SCO1: variants seen among roughly 807,000 people sequenced by gnomAD.
The protein encoded by SCO1 is synthesis of cytochrome C oxidase 1, also known as cytochrome c oxidase assembly factor SCO1.
Under a neutral mutation model 34.0 loss-of-function variants are expected in SCO1, and 23 were observed. The observed-to-expected ratio is 0.68, with a 90% CI of 0.49 to 0.96. The LOEUF is 0.96. Among genes scored for constraint, SCO1 ranks in the 40% least tolerant of loss-of-function variants. SCO1 has a pLI of 0.00. For missense variants in SCO1, 404 were observed against 381.6 expected, an observed-to-expected ratio of 1.06 and a Z score of -0.49; for synonymous variants, 161 against 145.5, an observed-to-expected ratio of 1.11 and a Z score of -0.77.
At chr17:10,691,990 T>TA in intron 3 of SCO1, 26 bp from the exon 4 acceptor site, 1 of 1,474,858 alleles carries the variant, frequency 6.8e-7, no homozygotes, top group South Asian at 1.1e-5. Flanking sequence ...AATTAGTCCG[T>TA]ATTCACACCC....
intron 1 of SCO1, among the ~76,000 whole-genome samples, chr17:10,696,192 C>G (rs754167803): frequency 6.6e-6 from 1 of 151,248 alleles, no homozygotes; most frequent in Non-Finnish European, 1.5e-5. Context: ...CGCCTGTAAT[C>G]CCAGCACTTT....
chr17:10,677,821 A>C lies in SCO1; in HGVS notation c.*3298T>G, dbSNP rs1329788343. The C allele has an allele frequency of 1.3e-5, 2 of 152,228 alleles. No individual in the cohort carries two copies. The allele number at this position is 152,228 out of a possible 1,614,324, so 9.4% of individuals were successfully genotyped here. A position where few individuals can be genotyped will look rare whatever the true frequency, so the allele number is the denominator to read the frequency against. On this transcript the variant is annotated 3_prime_UTR_variant, in exon 6 of 6. Coordinates refer to ENST00000255390, the MANE Select transcript of SCO1 (RefSeq NM_004589.4). The stretch of plus-strand genomic sequence containing the variant: ...AAGATTTGCAAGGGATATTTCACTG[A>C]AACACAGCCTTGAGGCCGGGCGTGG...
rs2074601192 is a variant in SCO1, at chr17:10,678,971, A to T, written c.*2148T>A. On this transcript the variant is annotated 3_prime_UTR_variant, in exon 6 of 6. Coordinates refer to ENST00000255390, the MANE Select transcript of SCO1 (RefSeq NM_004589.4). ...GTGTCTCCTATTCTTTTTGAGACGG[A>T]GTCTTGCTCTGTCGCCCAGGCTGGA... is the stretch of plus-strand genomic sequence containing the variant. The T allele has an allele frequency of 6.7e-6, 1 of 150,148 alleles. No individual in the cohort carries two copies. The highest frequency in any genetic ancestry group is 6.7e-5 in the Admixed American group (1 of 14,948). 9.3% of individuals were successfully genotyped at this position (150,148 alleles called of 1,614,324 possible). A position where few individuals can be genotyped will look rare whatever the true frequency, so the allele number is the denominator to read the frequency against.
At position 10,695,846 on chromosome 17, in the gene SCO1, A is replaced by G; in HGVS notation, c.274-15T>C. 2.5e-6 allele frequency: 4 copies of G among 1,593,442 alleles called. No individual in the cohort carries two copies. The highest frequency in any genetic ancestry group is 3.4e-6 in the Non-Finnish European group (4 of 1,162,426). On this transcript the variant is annotated splice_polypyrimidine_tract_variant and intron_variant, in intron 1 of 5. Transcript: ENST00000255390. Reference sequence around the variant, plus strand: ...CAGGAAACAGGCTACTGGGGCAGGGATTTCAAACATAAAAATTCTAGTAAG... The same window carrying G: ...CAGGAAACAGGCTACTGGGGCAGGGGTTTCAAACATAAAAATTCTAGTAAG...
chr17:10,686,465 C>A (rs1280893802), intron 5 of SCO1, among the ~76,000 whole-genome samples: 1 of 151,180 alleles, frequency 6.6e-6, no homozygotes, highest in East Asian at 1.9e-4. Flanking sequence ...ACCTGTAATC[C>A]CAGCTACTCG....
At chr17:10,686,453 G>A (rs1017327303) in intron 5 of SCO1, among the ~76,000 whole-genome samples, 2 of 146,924 alleles carry the variant, frequency 1.4e-5, no homozygotes, top group Admixed American at 6.8e-5. Context: ...GTGGTGGCGC[G>A]CACCTGTAAT....
chr17:10,687,223 T>C (rs2074662282), intron 4 of SCO1, among the ~76,000 whole-genome samples: 1 of 152,192 alleles, frequency 6.6e-6, no homozygotes, highest in South Asian at 2.1e-4. Context: ...GGAAAAAAAT[T>C]TGCTTCATAA....
Position 10,678,374 on chromosome 17 carries a change from C to T in SCO1, c.*2745G>A, listed in dbSNP as rs2074596004. The T allele has an allele frequency of 6.6e-6, 1 of 152,202 alleles. No homozygotes were observed. Among genetic ancestry groups the T allele is most frequent in the Non-Finnish European group, 1.5e-5 (1 of 68,034 alleles). 9.4% of individuals were successfully genotyped at this position (152,202 alleles called of 1,614,324 possible). ...GTCACCTCTAAGGTCCCCTTCCCCACTTCTAACATTCTGACTTCAAGCCTT... is the reference window on the plus strand; with the variant it reads ...GTCACCTCTAAGGTCCCCTTCCCCATTTCTAACATTCTGACTTCAAGCCTT... On this transcript the variant is annotated 3_prime_UTR_variant, in exon 6 of 6. Coordinates refer to ENST00000255390, the MANE Select transcript of SCO1 (RefSeq NM_004589.4).
chr17:10,688,923 C>T (rs1456887711), intron 4 of SCO1, among the ~76,000 whole-genome samples: 7 of 141,306 alleles, frequency 5.0e-5, no homozygotes, highest in Non-Finnish European at 1.0e-4. Flanking sequence ...GAGACCATCC[C>T]GGCTAAAACG....
intron 5 of SCO1, 109 bp from the exon 6 acceptor site, chr17:10,681,362 C>A (rs1232827208): frequency 6.9e-6 from 8 of 1,154,182 alleles, no homozygotes; most frequent in African/African-American, 1.5e-5. Flanking sequence ...CTTAAATAAC[C>A]TTTACAGCAT....
chr17:10,697,403 C>G lies in SCO1; in HGVS notation c.105G>C (p.Gly35=), dbSNP rs749925036. Residue 35 remains glycine (G), a synonymous_variant, in exon 1 of 6, where the codon GGG becomes GGC. Transcript: ENST00000255390. The part of the protein sequence containing the change: ...RGLEFWGPAE[G]TARVLLRQFC... ...ACTGCCTCAGCAAGACTCTCGCAGTCCCCTCGGCTGGGCCCCAAAACTCGA... is the reference window on the plus strand; with the variant it reads ...ACTGCCTCAGCAAGACTCTCGCAGTGCCCTCGGCTGGGCCCCAAAACTCGA... 6.2e-7 allele frequency: 1 copy of G among 1,607,394 alleles called. No individual in the cohort carries two copies.
intron 2 of SCO1, 79 bp from the exon 3 acceptor site, chr17:10,693,040 C>G: frequency 2.5e-6 from 3 of 1,202,018 alleles, no homozygotes; most frequent in Non-Finnish European, 3.7e-6. Flanking sequence ...ACATATGGCC[C>G]GTACTATGCT....
chr17:10,681,281 C>A, intron 5 of SCO1, 28 bp from the exon 6 acceptor site: 1 of 1,612,262 alleles, frequency 6.2e-7, no homozygotes, highest in Non-Finnish European at 8.5e-7. Context: ...GAGAGTGTGA[C>A]AAAGATTACC....
rs1030412232 is a variant in SCO1 at position 10,673,291 on chromosome 17, C to G, written c.*7828G>C. 3 of 152,200 alleles carry G rather than the reference C, an allele frequency of 2.0e-5. No homozygotes were observed. Among genetic ancestry groups the G allele is most frequent in the Admixed American group, 6.5e-5 (1 of 15,270 alleles). 9.4% of individuals were successfully genotyped at this position (152,200 alleles called of 1,614,324 possible). A position where few individuals can be genotyped will look rare whatever the true frequency, so the allele number is the denominator to read the frequency against. ...GTTATGTGCATCCCAGAGGCACTCT[C>G]CAGGGCCTACTTTTTATATCCCTCG... On this transcript the variant is annotated 3_prime_UTR_variant, in exon 6 of 6. Transcript: ENST00000255390.
At position 10,676,959 on chromosome 17, in the gene SCO1, G is replaced by C. The variant is rs2074584600; in HGVS notation, c.*4160C>G. 1 of 152,172 alleles carries C rather than the reference G, an allele frequency of 6.6e-6. No homozygotes were observed. Among genetic ancestry groups the C allele is most frequent in the African/African-American group, 2.4e-5 (1 of 41,428 alleles). The allele number at this position is 152,172 out of a possible 1,614,324, so 9.4% of individuals were successfully genotyped here. A position where few individuals can be genotyped will look rare whatever the true frequency, so the allele number is the denominator to read the frequency against. On this transcript the variant is annotated 3_prime_UTR_variant, in exon 6 of 6. Coordinates refer to ENST00000255390, the MANE Select transcript of SCO1 (RefSeq NM_004589.4). Reference sequence around the variant, plus strand: ...ATTACTTGAATCTTGTTAATGAATAGAAATAACCGTCCATTTTGTTACACA... The same window carrying C: ...ATTACTTGAATCTTGTTAATGAATACAAATAACCGTCCATTTTGTTACACA...
chr17:10,681,385 G>A lies in SCO1; in HGVS notation c.772-132C>T. 5 of 1,012,980 alleles carry A rather than the reference G, an allele frequency of 4.9e-6. No individual in the cohort carries two copies. The South Asian group carries it at 7.0e-5, about 14-fold the overall frequency. The allele number at this position is 1,012,980 out of a possible 1,614,324, so 62.7% of individuals were successfully genotyped here. ...ACCTTTACAGCATCTATTATTTATG[G>A]AATAGGCTTAAGTCTATCATAGCAA... On this transcript the variant is annotated intron_variant, in intron 5 of 5. Transcript: ENST00000255390.
intron 5 of SCO1, among the ~76,000 whole-genome samples, chr17:10,683,512 T>C (rs990099939): frequency 1.3e-5 from 2 of 152,122 alleles, no homozygotes; most frequent in Admixed American, 6.6e-5. Flanking sequence ...AATGCATGAG[T>C]GTGCCTGCTG....
intron 2 of SCO1, 77 bp downstream of exon 2, chr17:10,695,664 A>G (rs769863700): frequency 3.5e-5 from 39 of 1,120,290 alleles, no homozygotes; most frequent in Non-Finnish European, 4.7e-5. Context: ...ACAAAAAGCT[A>G]AAAAACAACA....
chr17:10,684,069 G>C (rs1842031735), intron 5 of SCO1: 1 of 152,174 alleles, frequency 6.6e-6, no homozygotes, highest in South Asian at 2.1e-4. Context: ...TTTAGCAAAT[G>C]TACAGCATGA....
Sources: gnomAD v4.1 joint callset for allele counts (sites outside exome capture counted in the v4.1 genomes callset) on GRCh38, gnomAD v4.1.1 for gene constraint, MANE v1.5 for transcripts, NCBI Gene and HGNC (gene_info 2026-07-23, HGNC 2026-07-21) for gene names.